Variants in TTC21B observed in about 807,000 individuals in gnomAD.
TTC21B encodes the protein tetratricopeptide repeat protein 21B.
TTC21B carries 127 observed loss-of-function variants against 175.1 expected under a neutral mutation model. The ratio of observed to expected loss-of-function variants is 0.73; its 90% confidence interval spans 0.63 to 0.84. TTC21B has a LOEUF of 0.84. Ranked by LOEUF, TTC21B falls within the 40% of genes least tolerant of loss-of-function variation. TTC21B has a pLI of 0.00. For missense variants in TTC21B, 1,561 were observed against 1,558.3 expected (o/e 1.00, Z -0.03); for synonymous variants, 524 against 524.5 (o/e 1.00, Z 0.01).
chr2:165,901,770 TG>T lies in TTC21B; in HGVS notation c.2708del (p.Ala903GlufsTer54), dbSNP rs1412915876. 1 of 1,614,182 alleles carries T rather than the reference TG, an allele frequency of 6.2e-7. No individual in the cohort carries two copies. ...HSVAQRDYEK[A>X]IKFYREALVH... is the part of the protein sequence containing the mutation. ...CCAGAGCCTCTCTATAAAACTTAAT[TG>T]CTTTTTCATAGTCTCGCTGAGCAAC... On this transcript the variant is annotated frameshift_variant, in exon 20 of 29. Transcript: ENST00000243344. LOFTEE classifies it high-confidence loss of function.
chr2:165,934,381 A>C (rs1646569356), intron 6 of TTC21B, among the ~76,000 whole-genome samples: 1 of 151,680 alleles, frequency 6.6e-6, no homozygotes, highest in African/African-American at 2.4e-5. Flanking sequence ...GGGTGCCAGT[A>C]ATCCAAGCTA....
intron 17 of TTC21B, 22 bp downstream of exon 17, chr2:165,912,492 T>C: frequency 6.3e-7 from 1 of 1,577,046 alleles, no homozygotes; most frequent in Non-Finnish European, 8.7e-7. Context: ...AACAGACATA[T>C]TTCAAACAAT....
At chr2:165,891,517 A>T (rs1685192092) in intron 22 of TTC21B, among the ~76,000 whole-genome samples, 1 of 152,154 alleles carries the variant, frequency 6.6e-6, no homozygotes, top group Non-Finnish European at 1.5e-5. Context: ...TTACCATACT[A>T]GAACCTTAGC....
Position 165,912,517 on chromosome 2 carries a change from T to C in TTC21B, c.2319A>G (p.Ser773=). The C allele has an allele frequency of 1.9e-6, 3 of 1,610,304 alleles. No homozygotes were observed. The highest frequency in any genetic ancestry group is 2.5e-6 in the Non-Finnish European group (3 of 1,176,602). The change falls in exon 17 of 29, where the codon TCA becomes TCG. Residue 773 remains serine (S), a synonymous_variant. Coordinates refer to ENST00000243344, the MANE Select transcript of TTC21B (RefSeq NM_024753.5). ...GKALIKTHNY[S]MAITYYEAAL... ...TTTCAAACAATAAAGTACTTACCATTGAGTAGTTATGAGTTTTGATAAGTG... is the reference window on the plus strand; with the variant it reads ...TTTCAAACAATAAAGTACTTACCATCGAGTAGTTATGAGTTTTGATAAGTG...
At chr2:165,934,975 T>C (rs1687071670) in intron 6 of TTC21B, among the ~76,000 whole-genome samples, 1 of 152,214 alleles carries the variant, frequency 6.6e-6, no homozygotes, top group African/African-American at 2.4e-5. Context: ...TTCCTAGATA[T>C]CTTTGCATTC....
chr2:165,905,469 C>G (rs1685695475), intron 19 of TTC21B, among the ~76,000 whole-genome samples: 1 of 151,958 alleles, frequency 6.6e-6, no homozygotes, highest in African/African-American at 2.4e-5. Flanking sequence ...ATATACCATG[C>G]AAGTACTAAA....
At chr2:165,922,455 C>T (rs927095902) in intron 12 of TTC21B, among the ~76,000 whole-genome samples, 1 of 150,128 alleles carries the variant, frequency 6.7e-6, no homozygotes, top group Non-Finnish European at 1.5e-5. Context: ...TACAAATGGC[C>T]CATAAACATT....
chr2:165,931,890 A>G (rs771887467), intron 7 of TTC21B, 34 bp from the exon 8 acceptor site: 1 of 1,434,704 alleles, frequency 7.0e-7, no homozygotes, highest in South Asian at 1.2e-5. Context: ...AACTTAAAAT[A>G]TACTAAGTAA....
At position 165,953,722 on chromosome 2, in the gene TTC21B, G is replaced by T; in HGVS notation, c.-17C>A. On this transcript the variant is annotated 5_prime_UTR_variant, in exon 1 of 29. Coordinates refer to ENST00000243344, the MANE Select transcript of TTC21B (RefSeq NM_024753.5). ...CGAGTCCATGGCTGCCCCGAGGCCG[G>T]GCCGCGGGGCTCTGGGGATTGTCTC... is the stretch of plus-strand genomic sequence containing the variant. 1 of 1,548,136 alleles carries T rather than the reference G, an allele frequency of 6.5e-7. No homozygotes were observed.
At chr2:165,915,556 G>T in intron 14 of TTC21B, 117 bp from the exon 15 acceptor site, 1 of 926,094 alleles carries the variant, frequency 1.1e-6, no homozygotes, top group Middle Eastern at 3.0e-4. Context: ...TAATATTTAC[G>T]AAATAAATTG....
intron 17 of TTC21B, 128 bp from the exon 18 acceptor site, chr2:165,911,593 C>CACCT: frequency 1.0e-6 from 1 of 1,002,790 alleles, no homozygotes; most frequent in Non-Finnish European, 1.5e-6. Flanking sequence ...TGTAGGCATA[C>CACCT]ACCTGCCTGT....
In TTC21B at chr2:165,933,000, A is replaced by G. The variant is rs1686969558; in HGVS notation, c.768T>C (p.Tyr256=). ...VEALRMQALY[Y]VCREGDIEKA... ...TCTCTATATCCCCCTCTCTACACAC[A>G]TAGTAGAGTGCCTGCATTCTCAGTG... The change falls in exon 7 of 29, where the codon TAT becomes TAC. Residue 256 remains tyrosine (Y), a synonymous_variant. Coordinates refer to ENST00000243344, the MANE Select transcript of TTC21B (RefSeq NM_024753.5). 6 of 1,612,922 alleles carry G rather than the reference A, an allele frequency of 3.7e-6. No individual in the cohort carries two copies. The highest frequency in any genetic ancestry group is 5.1e-6 in the Non-Finnish European group (6 of 1,179,362).
intron 15 of TTC21B, among the ~76,000 whole-genome samples, chr2:165,914,288 C>T (rs2105321965): frequency 6.6e-6 from 1 of 152,254 alleles, no homozygotes; most frequent in Non-Finnish European, 1.5e-5. Flanking sequence ...GTCAGATCTT[C>T]CTGAAACAAA....
intron 1 of TTC21B, among the ~76,000 whole-genome samples, chr2:165,951,983 C>T (rs1196480682): frequency 6.6e-6 from 1 of 151,964 alleles, no homozygotes; most frequent in Non-Finnish European, 1.5e-5. Context: ...CCCTCATTCT[C>T]CCTCCACACA....
At chr2:165,935,684 T>G (rs1171551825) in intron 6 of TTC21B, among the ~76,000 whole-genome samples, 1 of 152,182 alleles carries the variant, frequency 6.6e-6, no homozygotes, top group African/African-American at 2.4e-5. Context: ...CAAGTGGTAT[T>G]TGAAATTAAA....
rs369136394 is a variant in TTC21B, at chr2:165,900,420, T to C, written c.2758-540A>G. On this transcript the variant is annotated intron_variant, in intron 20 of 28. Coordinates refer to ENST00000243344, the MANE Select transcript of TTC21B (RefSeq NM_024753.5). ...CTAGTTATTAAATTCTAGAGGATAG[T>C]TGTCTTTTGTACATGATCACTTACT... 8.5e-5 allele frequency among the ~76,000 whole-genome samples: 13 copies of C among 152,296 alleles called. No homozygotes were observed. In the East Asian group the frequency reaches 1.3e-3, roughly 16 times the overall value.
chr2:165,885,977 C>A (rs544161040), intron 25 of TTC21B, among the ~76,000 whole-genome samples: 42 of 152,148 alleles, frequency 2.8e-4, no homozygotes, highest in Admixed American at 1.4e-3. Flanking sequence ...GCAATGAAAG[C>A]AAGTGGAAAC....
chr2:165,906,626 T>C (rs570496149), intron 19 of TTC21B, among the ~76,000 whole-genome samples: 1 of 152,186 alleles, frequency 6.6e-6, no homozygotes, highest in South Asian at 2.1e-4. Context: ...TCTCAAGGCC[T>C]GCAACAATGA....
chr2:165,878,633 T>TACC, intron 27 of TTC21B, among the ~76,000 whole-genome samples: 1 of 151,910 alleles, frequency 6.6e-6, no homozygotes, highest in Non-Finnish European at 1.5e-5. Flanking sequence ...GTGCCTCTTA[T>TACC]AGTGACAATA....
Sources: allele counts gnomAD v4.1 joint callset (sites outside exome capture counted in the v4.1 genomes callset), GRCh38; gene constraint gnomAD v4.1.1; transcripts MANE v1.5; gene names NCBI Gene and HGNC (gene_info 2026-07-23, HGNC 2026-07-21).